NHSL2: variants seen among roughly 807,000 people sequenced by gnomAD.
NHSL2 encodes the protein NHS-like protein 2.
Under a neutral mutation model 53.4 loss-of-function variants are expected in NHSL2, and 27 were observed. The ratio of observed to expected loss-of-function variants is 0.51; its 90% CI spans 0.37 to 0.70. NHSL2 has a LOEUF of 0.70. NHSL2 is among the 30% of genes least tolerant of loss of function. The pLI is 0.00. For synonymous variants in NHSL2, 408 were observed against 404.1 expected (o/e 1.01, Z -0.12); for missense variants, 892 against 980.1 (o/e 0.91, Z 1.20).
intron 1 of NHSL2, among the ~76,000 whole-genome samples, chrX:72,110,744 A>T (rs2147476400): frequency 9.4e-6 from 1 of 106,922 alleles, no homozygotes; most frequent in South Asian, 4.2e-4. Context: ...AAAAAAAAAA[A>T]AAAAAAAACC....
At chrX:72,091,384 G>A (rs1269793648) in intron 1 of NHSL2, among the ~76,000 whole-genome samples, 1 of 111,303 alleles carries the variant, frequency 9.0e-6, no homozygotes, top group East Asian at 2.8e-4. Context: ...AACCCGGGAG[G>A]CGGAGCTTGC....
At chrX:71,925,062 T>C (rs1024076765) in intron 1 of NHSL2, among the ~76,000 whole-genome samples, 2 of 112,602 alleles carry the variant, frequency 1.8e-5, no homozygotes, top group African/African-American at 6.5e-5. Flanking sequence ...TAGTAAGAGA[T>C]GAGTTTTTGT....
At chrX:71,947,034 G>T (rs1028839517) in intron 1 of NHSL2, among the ~76,000 whole-genome samples, 2 of 112,111 alleles carry the variant, frequency 1.8e-5, no homozygotes, top group Non-Finnish European at 3.8e-5. Context: ...CCACAGGAAG[G>T]CTCATTGAGG....
At chrX:71,994,812 G>T (rs926156870) in intron 1 of NHSL2, among the ~76,000 whole-genome samples, 2 of 111,711 alleles carry the variant, frequency 1.8e-5, no homozygotes, top group African/African-American at 3.3e-5. Context: ...GGGCCAGCCA[G>T]GGAGCTGTGT....
At chrX:71,993,537 A>G (rs2042036839) in intron 1 of NHSL2, among the ~76,000 whole-genome samples, 1 of 111,775 alleles carries the variant, frequency 8.9e-6, no homozygotes, top group African/African-American at 3.3e-5. Flanking sequence ...GGTCTGAGGT[A>G]GACATGATGG....
At chrX:72,024,569 G>A (rs2042176005) in intron 1 of NHSL2, among the ~76,000 whole-genome samples, 1 of 112,014 alleles carries the variant, frequency 8.9e-6, no homozygotes, top group Admixed American at 9.4e-5. Flanking sequence ...GATGAGGACG[G>A]GCACAGAGAG....
chrX:72,142,571 C>T (rs1023812766), intron 7 of NHSL2, among the ~76,000 whole-genome samples: 2 of 111,226 alleles, frequency 1.8e-5, no homozygotes, highest in African/African-American at 6.6e-5. Context: ...TCCAGGGCCT[C>T]GCATCTCAAA....
At chrX:72,083,338 G>C (rs1209008635) in intron 1 of NHSL2, among the ~76,000 whole-genome samples, 1 of 113,125 alleles carries the variant, frequency 8.8e-6, no homozygotes, top group South Asian at 3.6e-4. Flanking sequence ...ACTCCAAGGC[G>C]ATTTTAATGG....
intron 1 of NHSL2, among the ~76,000 whole-genome samples, chrX:72,054,169 A>G (rs1335319587): frequency 9.1e-6 from 1 of 110,047 alleles, no homozygotes; most frequent in Non-Finnish European, 1.9e-5. Context: ...TCTCTGCCAT[A>G]CTCCTCTGTC....
chrX:72,037,743 G>A (rs1024437742), intron 1 of NHSL2, among the ~76,000 whole-genome samples: 2 of 112,013 alleles, frequency 1.8e-5, no homozygotes, highest in Non-Finnish European at 3.8e-5. Context: ...TCTTTCCTAG[G>A]CCTCTCACTG....
chrX:72,030,629 A>G (rs780798116), intron 1 of NHSL2, among the ~76,000 whole-genome samples: 1 of 111,701 alleles, frequency 9.0e-6, no homozygotes, highest in East Asian at 2.8e-4. Context: ...TGCTGCAATC[A>G]AATGTTTGTG....
At position 72,137,090 on chromosome X, in the gene NHSL2, A is replaced by G; in HGVS notation, c.761-4A>G. ...GCACCCAAGTGTCTTTATTTTGGCT[A>G]CAGGGCAGCAGTTTGATAAACATGC... On this transcript the variant is annotated splice_region_variant and splice_polypyrimidine_tract_variant and intron_variant, in intron 4 of 7. Transcript: ENST00000633930. 1.7e-6 allele frequency: 2 copies of G among 1,164,884 alleles called. No homozygotes were observed. The highest frequency in any genetic ancestry group is 2.3e-6 in the Non-Finnish European group (2 of 870,949).
intron 1 of NHSL2, among the ~76,000 whole-genome samples, chrX:72,059,901 A>C (rs1245676445): frequency 1.8e-5 from 2 of 112,072 alleles, no homozygotes; most frequent in East Asian, 5.6e-4. Context: ...CTGTATCCTC[A>C]CTTTAGAGAT....
chrX:71,941,278 G>C (rs1175350654), intron 1 of NHSL2, among the ~76,000 whole-genome samples: 1 of 111,933 alleles, frequency 8.9e-6, no homozygotes, highest in Non-Finnish European at 1.9e-5. Context: ...CTATCTGAGT[G>C]ATTCTATGGG....
At chrX:71,933,748 C>T (rs539677260) in intron 1 of NHSL2, among the ~76,000 whole-genome samples, 3 of 111,673 alleles carry the variant, frequency 2.7e-5, no homozygotes, top group South Asian at 7.6e-4. Flanking sequence ...GTTACTATGA[C>T]GTGGAAGCCC....
intron 1 of NHSL2, among the ~76,000 whole-genome samples, chrX:71,914,649 C>T (rs2041619738): frequency 8.9e-6 from 1 of 112,250 alleles, no homozygotes; most frequent in Non-Finnish European, 1.9e-5. Flanking sequence ...AACTTTATGG[C>T]AACTCTGGCT....
chrX:72,082,512 C>A (rs1311305980), intron 1 of NHSL2, among the ~76,000 whole-genome samples: 2 of 111,978 alleles, frequency 1.8e-5, no homozygotes, highest in African/African-American at 6.5e-5. Flanking sequence ...GAGGTGGGTA[C>A]CATCCTTACC....
intron 1 of NHSL2, among the ~76,000 whole-genome samples, chrX:71,981,588 T>G (rs1362679407): frequency 4.6e-5 from 5 of 107,552 alleles, no homozygotes; most frequent in Non-Finnish European, 9.6e-5. Flanking sequence ...AGTAAAGAAC[T>G]TGTATCCAGA....
chrX:72,068,663 T>C (rs1396681879), intron 1 of NHSL2, among the ~76,000 whole-genome samples: 1 of 41,502 alleles, frequency 2.4e-5, no homozygotes, highest in African/African-American at 5.7e-5. Flanking sequence ...TGTGTGTGCG[T>C]GTGTGTGTGT....
Sources: gnomAD v4.1 joint callset for allele counts (sites outside exome capture counted in the v4.1 genomes callset) on GRCh38, gnomAD v4.1.1 for gene constraint, MANE v1.5 for transcripts, NCBI Gene and HGNC (gene_info 2026-07-23, HGNC 2026-07-21) for gene names.